Variants in REDIC1 observed in about 807,000 individuals in gnomAD.
The protein encoded by REDIC1 is regulator of DNA class I crossover intermediates 1.
At chr12:39,654,049 C>T in the REDIC1 span, among the ~76,000 whole-genome samples, 1 of 145,560 alleles carries the variant, frequency 6.9e-6, no homozygotes, top group African/African-American at 2.6e-5. Flanking sequence ...TTCCATGTGT[C>T]TTGAAATTAT....
the REDIC1 span, among the ~76,000 whole-genome samples, chr12:39,673,690 A>G: frequency 6.6e-6 from 1 of 152,098 alleles, no homozygotes; most frequent in Non-Finnish European, 1.5e-5. Context: ...TGTATTTATC[A>G]CTTCCTTACT....
At chr12:39,797,844 T>C in the REDIC1 span, among the ~76,000 whole-genome samples, 61 of 151,354 alleles carry the variant, frequency 4.0e-4, no homozygotes, top group Non-Finnish European at 7.8e-4. Context: ...AACATAAAAG[T>C]TATTGTTTTA....
the REDIC1 span, among the ~76,000 whole-genome samples, chr12:39,825,216 TAGTC>T: frequency 5.2e-4 from 79 of 152,262 alleles, no homozygotes; most frequent in East Asian, 9.6e-4. Context: ...CTATTTTAAA[TAGTC>T]AGGAGGTTTG....
chr12:39,862,043 CT>C, the REDIC1 span, among the ~76,000 whole-genome samples: 1 of 152,190 alleles, frequency 6.6e-6, no homozygotes, highest in African/African-American at 2.4e-5. Context: ...CCACTGCCCC[CT>C]AACAGGCGCC....
the REDIC1 span, among the ~76,000 whole-genome samples, chr12:39,675,932 C>T: frequency 6.6e-6 from 1 of 152,304 alleles, no homozygotes; most frequent in African/African-American, 2.4e-5. Context: ...CCCTGTGGGA[C>T]AAAAGAATCT....
chr12:39,640,724 T>G, the REDIC1 span, among the ~76,000 whole-genome samples: 1 of 151,906 alleles, frequency 6.6e-6, no homozygotes, highest in Non-Finnish European at 1.5e-5. Flanking sequence ...ACTTAATTAT[T>G]CATCATTGAC....
At chr12:39,731,726 T>A in the REDIC1 span, among the ~76,000 whole-genome samples, 1 of 152,160 alleles carries the variant, frequency 6.6e-6, no homozygotes, top group Admixed American at 6.5e-5. Context: ...GCAGGAACAT[T>A]TAACTCCGCT....
the REDIC1 span, among the ~76,000 whole-genome samples, chr12:39,779,541 G>C: frequency 1.3e-5 from 2 of 152,112 alleles, no homozygotes; most frequent in African/African-American, 4.8e-5. Context: ...ATAGTCAATA[G>C]CTCAATAAAT....
the REDIC1 span, among the ~76,000 whole-genome samples, chr12:39,687,568 C>T: frequency 5.3e-5 from 8 of 152,236 alleles, no homozygotes; most frequent in South Asian, 2.1e-4. Context: ...GGGGATGGTG[C>T]GAAACCATTC....
the REDIC1 span, among the ~76,000 whole-genome samples, chr12:39,695,709 C>G: frequency 6.6e-6 from 1 of 152,188 alleles, no homozygotes; most frequent in Non-Finnish European, 1.5e-5. Flanking sequence ...ACAGGCCTGG[C>G]TAGCTTTGCC....
chr12:39,763,301 T>A, the REDIC1 span, among the ~76,000 whole-genome samples: 1 of 152,064 alleles, frequency 6.6e-6, no homozygotes, highest in East Asian at 1.9e-4. Flanking sequence ...TTTATGAAGA[T>A]AATAAAAGCA....
the REDIC1 span, among the ~76,000 whole-genome samples, chr12:39,748,471 G>T: frequency 1.3e-5 from 2 of 152,024 alleles, no homozygotes; most frequent in Non-Finnish European, 2.9e-5. Context: ...AATAATAATG[G>T]GAGAGTTTAA....
chr12:39,706,557 A>G, the REDIC1 span, among the ~76,000 whole-genome samples: 1 of 152,034 alleles, frequency 6.6e-6, no homozygotes, highest in Non-Finnish European at 1.5e-5. Flanking sequence ...TTCAAATTAT[A>G]CTACAGAACT....
chr12:39,712,631 GTA>G, the REDIC1 span, among the ~76,000 whole-genome samples: 1 of 143,616 alleles, frequency 7.0e-6, no homozygotes, highest in Non-Finnish European at 1.5e-5. Flanking sequence ...GTGTATATAT[GTA>G]TACACATTTA....
chr12:39,778,929 GT>G, the REDIC1 span, among the ~76,000 whole-genome samples: 1 of 152,188 alleles, frequency 6.6e-6, no homozygotes, highest in Non-Finnish European at 1.5e-5. Context: ...TAGGTTAAGA[GT>G]TTAATAATGA....
At chr12:39,658,439 A>T in the REDIC1 span, among the ~76,000 whole-genome samples, 114 of 152,166 alleles carry the variant, frequency 7.5e-4, no homozygotes, top group Non-Finnish European at 1.4e-3. Context: ...TCCATGAGTT[A>T]TTTAGAAATT....
the REDIC1 span, among the ~76,000 whole-genome samples, chr12:39,711,771 G>GCACATGCATGTGTGTGTGTA: frequency 9.5e-6 from 1 of 104,734 alleles, no homozygotes; most frequent in African/African-American, 4.7e-5. Flanking sequence ...ATGTGTGTGT[G>GCACATGCATGTGTGTGTGTA]CACATGCATG....
chr12:39,775,544 A>G, the REDIC1 span, among the ~76,000 whole-genome samples: 1 of 152,258 alleles, frequency 6.6e-6, no homozygotes, highest in Non-Finnish European at 1.5e-5. Context: ...TTTAGACTCT[A>G]TTAATTCATA....
At chr12:39,712,244 GTACA>G in the REDIC1 span, among the ~76,000 whole-genome samples, 8 of 136,764 alleles carry the variant, frequency 5.8e-5, no homozygotes, top group Non-Finnish European at 7.8e-5. Flanking sequence ...ATATGTATAT[GTACA>G]TACATATATA....
Sources: gnomAD v4.1 joint callset for allele counts (sites outside exome capture counted in the v4.1 genomes callset) on GRCh38, gnomAD v4.1.1 for gene constraint, MANE v1.5 for transcripts, NCBI Gene and HGNC (gene_info 2026-07-23, HGNC 2026-07-21) for gene names.